Variants in PEBP4 observed in about 807,000 individuals in gnomAD.
PEBP4 encodes phosphatidylethanolamine binding protein 4, also known as phosphatidylethanolamine-binding protein 4.
Under a neutral mutation model 23.9 loss-of-function variants are expected in PEBP4, and 22 were observed. The ratio of observed to expected loss-of-function variants is 0.92; its 90% CI spans 0.66 to 1.31. The LOEUF is 1.31. Among genes scored for constraint, PEBP4 ranks in the 40% most tolerant of loss-of-function variants. The pLI is 0.00. For synonymous variants in PEBP4, 112 were observed against 99.3 expected (o/e 1.13, Z -0.76); for missense variants, 324 against 281.7 (o/e 1.15, Z -1.07).
chr8:22,899,767 A>G (rs1808674582), intron 3 of PEBP4, among the ~76,000 whole-genome samples: 1 of 152,206 alleles, frequency 6.6e-6, no homozygotes, highest in African/African-American at 2.4e-5. Context: ...GAATTCGTGC[A>G]TGCACTGCTT....
intron 4 of PEBP4, among the ~76,000 whole-genome samples, chr8:22,738,959 G>A (rs1804930262): frequency 6.6e-6 from 1 of 152,182 alleles, no homozygotes; most frequent in Non-Finnish European, 1.5e-5. Context: ...ACCAGAAGAA[G>A]GGGGCATTTG....
At position 22,860,183 on chromosome 8, in the gene PEBP4, CAT is replaced by C. The variant is rs373470461; in HGVS notation, c.259-42450_259-42449del. Among the ~76,000 whole-genome samples the C allele has an allele frequency of 1.0e-3, 65 of 65,314 alleles. 2 individuals are homozygous for C. The East Asian group carries it at 0.036, about 36-fold the overall frequency. The allele number at this position is 65,314 out of a possible 152,430, so 42.8% of individuals were successfully genotyped here. A position where few individuals can be genotyped will look rare whatever the true frequency, so the allele number is the denominator to read the frequency against. The stretch of plus-strand genomic sequence containing the variant: ...ACATATATATGTATATATATATACA[CAT>C]ATATATGTATATATATATATACACA... On this transcript the variant is annotated intron_variant, in intron 3 of 6. Coordinates refer to ENST00000256404, the MANE Select transcript of PEBP4 (RefSeq NM_144962.3).
At chr8:22,820,459 C>G (rs753286420) in intron 3 of PEBP4, among the ~76,000 whole-genome samples, 16 of 152,140 alleles carry the variant, frequency 1.1e-4, no homozygotes, top group Non-Finnish European at 2.4e-4. Context: ...AATGGAAAAC[C>G]GTCCTGGCCC....
chr8:22,810,904 GA>G (rs1191645478), intron 4 of PEBP4, among the ~76,000 whole-genome samples: 1 of 150,734 alleles, frequency 6.6e-6, no homozygotes, highest in African/African-American at 2.5e-5. Context: ...GAGAGAGAGA[GA>G]GAGAGAGAGA....
intron 4 of PEBP4, among the ~76,000 whole-genome samples, chr8:22,737,525 G>A (rs190710288): frequency 1.3e-5 from 2 of 152,126 alleles, no homozygotes; most frequent in Admixed American, 1.3e-4. Context: ...CTAAGGTGCA[G>A]GATCCCCCCA....
At chr8:22,821,589 C>A (rs1462212552) in intron 3 of PEBP4, among the ~76,000 whole-genome samples, 1 of 152,060 alleles carries the variant, frequency 6.6e-6, no homozygotes, top group Non-Finnish European at 1.5e-5. Flanking sequence ...GGCAAATGGG[C>A]AGTGGAGATT....
intron 3 of PEBP4, among the ~76,000 whole-genome samples, chr8:22,858,039 T>C (rs551571908): frequency 1.1e-3 from 175 of 152,230 alleles, no homozygotes; most frequent in Non-Finnish European, 1.8e-3. Context: ...GTGGGGACCA[T>C]GGGGTAGAAT....
intron 3 of PEBP4, among the ~76,000 whole-genome samples, chr8:22,828,093 C>T (rs999405606): frequency 6.6e-6 from 1 of 152,088 alleles, no homozygotes; most frequent in Non-Finnish European, 1.5e-5. Flanking sequence ...GATTATCTAT[C>T]CAGAAATAAT....
chr8:22,785,059 A>C (rs1806001322), intron 4 of PEBP4, among the ~76,000 whole-genome samples: 1 of 152,080 alleles, frequency 6.6e-6, no homozygotes, highest in African/African-American at 2.4e-5. Flanking sequence ...GTGTGTCTAG[A>C]ACACTTTGCC....
intron 4 of PEBP4, among the ~76,000 whole-genome samples, chr8:22,812,069 C>T (rs770630245): frequency 2.6e-5 from 4 of 152,056 alleles, no homozygotes; most frequent in Non-Finnish European, 5.9e-5. Context: ...GCCTCAGAGG[C>T]TTCTCCTCTT....
intron 4 of PEBP4, among the ~76,000 whole-genome samples, chr8:22,810,105 G>A (rs1239434863): frequency 3.9e-5 from 6 of 152,338 alleles, no homozygotes; most frequent in African/African-American, 1.4e-4. Flanking sequence ...GCCTGGTGGA[G>A]TCCAGCAAGA....
intron 3 of PEBP4, among the ~76,000 whole-genome samples, chr8:22,878,736 G>A (rs1027816944): frequency 2.6e-5 from 4 of 152,300 alleles, no homozygotes; most frequent in East Asian, 1.9e-4. Flanking sequence ...GAGGAGGCTT[G>A]GAGCTCAGGG....
At chr8:22,906,605 C>T (rs1246390941) in intron 3 of PEBP4, among the ~76,000 whole-genome samples, 1 of 152,256 alleles carries the variant, frequency 6.6e-6, no homozygotes, top group Non-Finnish European at 1.5e-5. Context: ...GCACTAGTCA[C>T]ATGGGTGGCT....
chr8:22,826,584 C>A (rs541328042), intron 3 of PEBP4, among the ~76,000 whole-genome samples: 1 of 152,244 alleles, frequency 6.6e-6, no homozygotes, highest in African/African-American at 2.4e-5. Context: ...GTAAAAAAAA[C>A]CATGAGGATC....
chr8:22,782,376 G>A (rs1412761653), intron 4 of PEBP4, among the ~76,000 whole-genome samples: 1 of 152,162 alleles, frequency 6.6e-6, no homozygotes, highest in East Asian at 1.9e-4. Context: ...ACACACTGTC[G>A]AGCACCTACT....
At chr8:22,934,121 G>A (rs1268328447) in intron 1 of PEBP4, among the ~76,000 whole-genome samples, 1 of 152,146 alleles carries the variant, frequency 6.6e-6, no homozygotes, top group East Asian at 1.9e-4. Flanking sequence ...TGAAAGGTCT[G>A]CCCCCAAGAT....
At chr8:22,903,167 A>G (rs964705323) in intron 3 of PEBP4, among the ~76,000 whole-genome samples, 3 of 152,288 alleles carry the variant, frequency 2.0e-5, no homozygotes, top group Non-Finnish European at 4.4e-5. Flanking sequence ...AGCAGGACTC[A>G]TTTACCTGTT....
chr8:22,816,285 G>C (rs1267695198), intron 4 of PEBP4, among the ~76,000 whole-genome samples: 1 of 152,196 alleles, frequency 6.6e-6, no homozygotes, highest in African/African-American at 2.4e-5. Context: ...TCTCCCTTGA[G>C]GAAGCCCCTT....
chr8:22,748,921 T>C (rs905033639), intron 4 of PEBP4, among the ~76,000 whole-genome samples: 5 of 152,092 alleles, frequency 3.3e-5, no homozygotes, highest in African/African-American at 1.2e-4. Context: ...CTCTGAACTC[T>C]GGGATTCTGC....
Sources: allele counts gnomAD v4.1 joint callset (sites outside exome capture counted in the v4.1 genomes callset), GRCh38; gene constraint gnomAD v4.1.1; transcripts MANE v1.5; gene names NCBI Gene and HGNC (gene_info 2026-07-23, HGNC 2026-07-21).